Variants in LRFN2 observed in about 807,000 individuals in gnomAD.
The protein encoded by LRFN2 is leucine-rich repeat and fibronectin type-III domain-containing protein 2.
LRFN2 carries 18 observed loss-of-function variants against 37.3 expected under a neutral mutation model. The observed-to-expected ratio is 0.48, with a 90% CI of 0.33 to 0.72. LRFN2 has a LOEUF of 0.72. Ranked by LOEUF, LRFN2 falls within the 30% of genes least tolerant of loss-of-function variation. The pLI is 0.02. For missense variants in LRFN2, 1,006 were observed against 1,060.7 expected (o/e 0.95, Z 0.72); for synonymous variants, 556 against 466.6 (o/e 1.19, Z -2.47).
At chr6:40,443,484 C>CT in intron 1 of LRFN2, among the ~76,000 whole-genome samples, 1 of 152,266 alleles carries the variant, frequency 6.6e-6, no homozygotes, top group South Asian at 2.1e-4. Flanking sequence ...CAAAGAGTGG[C>CT]TAGGCCTATA....
intron 2 of LRFN2, among the ~76,000 whole-genome samples, chr6:40,404,207 G>T (rs1762798954): frequency 6.6e-6 from 1 of 152,076 alleles, no homozygotes; most frequent in Non-Finnish European, 1.5e-5. Flanking sequence ...GATTTATTAT[G>T]ATTACTGTTA....
intron 2 of LRFN2, among the ~76,000 whole-genome samples, chr6:40,418,529 T>C (rs1021483263): frequency 3.3e-5 from 5 of 152,108 alleles, no homozygotes; most frequent in African/African-American, 1.2e-4. Flanking sequence ...CAATAAATAT[T>C]TATTGACTGA....
At chr6:40,468,104 G>GTGGAA (rs1324069885) in intron 1 of LRFN2, among the ~76,000 whole-genome samples, 1 of 152,098 alleles carries the variant, frequency 6.6e-6, no homozygotes, top group Non-Finnish European at 1.5e-5. Context: ...TCCATACTTG[G>GTGGAA]TTATTGGGCA....
At chr6:40,453,348 G>T (rs1764157981) in intron 1 of LRFN2, among the ~76,000 whole-genome samples, 1 of 152,004 alleles carries the variant, frequency 6.6e-6, no homozygotes, top group South Asian at 2.1e-4. Flanking sequence ...CAATGTGGGG[G>T]ATAGATGAAT....
At chr6:40,558,584 G>A (rs1561907497) in intron 1 of LRFN2, among the ~76,000 whole-genome samples, 1 of 152,184 alleles carries the variant, frequency 6.6e-6, no homozygotes, top group Non-Finnish European at 1.5e-5. Context: ...CCTCAGTTAG[G>A]TGGAGAAGAG....
intron 2 of LRFN2, among the ~76,000 whole-genome samples, chr6:40,404,667 G>A (rs1295782147): frequency 6.6e-6 from 1 of 152,142 alleles, no homozygotes; most frequent in Non-Finnish European, 1.5e-5. Flanking sequence ...CCCAGCAAGT[G>A]GTATTAACAC....
intron 1 of LRFN2, among the ~76,000 whole-genome samples, chr6:40,479,824 C>T (rs1764787219): frequency 6.6e-6 from 1 of 152,010 alleles, no homozygotes; most frequent in Non-Finnish European, 1.5e-5. Context: ...GCCTGGGCCA[C>T]GTTCCTCCTT....
At chr6:40,520,210 AG>A (rs1442041974) in intron 1 of LRFN2, among the ~76,000 whole-genome samples, 1 of 152,162 alleles carries the variant, frequency 6.6e-6, no homozygotes, top group Non-Finnish European at 1.5e-5. Context: ...AGCAGGAAAC[AG>A]GAAGCCCAGC....
chr6:40,399,677 A>G (rs1428347905), intron 2 of LRFN2, among the ~76,000 whole-genome samples: 2 of 151,520 alleles, frequency 1.3e-5, no homozygotes, highest in South Asian at 2.1e-4. Context: ...AGCTCAGACC[A>G]TCCGCCCGCC....
At chr6:40,453,399 C>A (rs765328451) in intron 1 of LRFN2, among the ~76,000 whole-genome samples, 1 of 151,736 alleles carries the variant, frequency 6.6e-6, no homozygotes. Flanking sequence ...CCTAAGCATC[C>A]ATGTAACAAG....
intron 2 of LRFN2, among the ~76,000 whole-genome samples, chr6:40,420,373 A>G (rs1281536848): frequency 6.6e-6 from 1 of 152,158 alleles, no homozygotes; most frequent in Non-Finnish European, 1.5e-5. Context: ...ATGCCAGACC[A>G]TAGGCCTAAT....
intron 1 of LRFN2, among the ~76,000 whole-genome samples, chr6:40,467,595 T>C (rs1410576891): frequency 6.6e-6 from 1 of 152,048 alleles, no homozygotes; most frequent in African/African-American, 2.4e-5. Context: ...ACCTGAATGG[T>C]AAGAAGAAAA....
chr6:40,391,988 C>T lies in LRFN2; in HGVS notation c.2325G>A (p.Arg775=). 12 of 1,603,158 alleles carry T rather than the reference C, an allele frequency of 7.5e-6. No homozygotes were observed. Among genetic ancestry groups the T allele is most frequent in the Non-Finnish European group, 9.4e-6 (11 of 1,174,384 alleles). ...CCCATTCGGAGCTGCCAAAAGTCCCCCGGGCCCCCACCAGGTCACTCTCCT... is the reference window on the plus strand; with the variant it reads ...CCCATTCGGAGCTGCCAAAAGTCCCTCGGGCCCCCACCAGGTCACTCTCCT... ...PFEESDLVGA[R]GTFGSSEWVM... Residue 775 remains arginine (R), a synonymous_variant, in exon 3 of 3, where the codon CGG becomes CGA. Coordinates refer to ENST00000338305, the MANE Select transcript of LRFN2 (RefSeq NM_020737.3).
chr6:40,574,288 T>C (rs1767236418), intron 1 of LRFN2, among the ~76,000 whole-genome samples: 1 of 152,148 alleles, frequency 6.6e-6, no homozygotes, highest in South Asian at 2.1e-4. Context: ...GCTAGCTCCA[T>C]TTTACAGAAG....
intron 1 of LRFN2, among the ~76,000 whole-genome samples, chr6:40,543,272 A>G (rs1766591357): frequency 1.3e-5 from 2 of 152,236 alleles, no homozygotes; most frequent in African/African-American, 4.8e-5. Context: ...TTCTCTGCTT[A>G]CACAAGCCAC....
intron 1 of LRFN2, among the ~76,000 whole-genome samples, chr6:40,458,878 C>T (rs981896421): frequency 6.6e-6 from 1 of 152,166 alleles, no homozygotes; most frequent in Non-Finnish European, 1.5e-5. Context: ...GAATGACTGT[C>T]CAGCACAACT....
chr6:40,417,155 CA>C (rs957151649), intron 2 of LRFN2, among the ~76,000 whole-genome samples: 2 of 152,228 alleles, frequency 1.3e-5, no homozygotes, highest in East Asian at 1.9e-4. Context: ...TAGCAACAAT[CA>C]AAGCTTGAGG....
intron 1 of LRFN2, among the ~76,000 whole-genome samples, chr6:40,468,174 A>T (rs1237766451): frequency 6.6e-6 from 1 of 151,920 alleles, no homozygotes; most frequent in African/African-American, 2.4e-5. Flanking sequence ...TGGGCTCTGA[A>T]CTCCAGGAAT....
At chr6:40,489,765 G>A (rs1220250816) in intron 1 of LRFN2, among the ~76,000 whole-genome samples, 2 of 152,138 alleles carry the variant, frequency 1.3e-5, no homozygotes, top group African/African-American at 4.8e-5. Context: ...ACAGAAAGGT[G>A]GAGAGTAGAG....
Sources: allele counts gnomAD v4.1 joint callset (sites outside exome capture counted in the v4.1 genomes callset), GRCh38; gene constraint gnomAD v4.1.1; transcripts MANE v1.5; gene names NCBI Gene and HGNC (gene_info 2026-07-23, HGNC 2026-07-21).